Variants in CLMP observed in about 807,000 individuals in gnomAD.
CLMP encodes the protein CXADR-like membrane protein.
In CLMP, 27 loss-of-function variants were observed where a neutral mutation model predicts 45.2. The ratio of observed to expected loss-of-function variants is 0.60; its 90% CI spans 0.44 to 0.82. The LOEUF (loss-of-function observed/expected upper bound fraction) is 0.82, where lower values mean the gene tolerates loss of function less well. CLMP is among the 40% of genes least tolerant of loss of function. The pLI, the probability that CLMP is intolerant of heterozygous loss-of-function variation, is 0.00. For synonymous variants in CLMP, 167 were observed against 171.4 expected (o/e 0.97, Z 0.20); for missense variants, 403 against 448.4 (o/e 0.90, Z 0.91).
chr11:123,194,330 A>G (rs1861949030), intron 1 of CLMP, among the ~76,000 whole-genome samples: 1 of 151,810 alleles, frequency 6.6e-6, no homozygotes, highest in South Asian at 2.1e-4. Flanking sequence ...CTTCTGTTTT[A>G]CATTCCTGTT....
Position 123,072,151 on chromosome 11 carries a change from A to G in CLMP, c.*1323T>C, listed in dbSNP as rs534480400. 8 of 152,300 alleles carry G rather than the reference A, an allele frequency of 5.3e-5. No homozygotes were observed. The highest frequency in any genetic ancestry group is 3.4e-3 in the Middle Eastern group (1 of 294). The allele number at this position is 152,300 out of a possible 1,614,324, so 9.4% of individuals were successfully genotyped here. ...TTTTAGGAGGGAACGGTTATGGCATATACTTGCAGTGCCATTAGAAGCATT... is the reference window on the plus strand; with the variant it reads ...TTTTAGGAGGGAACGGTTATGGCATGTACTTGCAGTGCCATTAGAAGCATT... On this transcript the variant is annotated 3_prime_UTR_variant, in exon 7 of 7. Coordinates refer to ENST00000448775, the MANE Select transcript of CLMP (RefSeq NM_024769.5).
chr11:123,149,846 C>T (rs929645479), intron 1 of CLMP, among the ~76,000 whole-genome samples: 17 of 150,884 alleles, frequency 1.1e-4, no homozygotes, highest in African/African-American at 4.1e-4. Flanking sequence ...GAGACTCACT[C>T]TGTCATCCAG....
At chr11:123,137,915 C>T (rs1452888517) in intron 1 of CLMP, among the ~76,000 whole-genome samples, 1 of 152,156 alleles carries the variant, frequency 6.6e-6, no homozygotes, top group Non-Finnish European at 1.5e-5. Context: ...AAGTCAGATC[C>T]TCTAACTAGA....
At chr11:123,171,861 T>A (rs1186337222) in intron 1 of CLMP, among the ~76,000 whole-genome samples, 2 of 152,200 alleles carry the variant, frequency 1.3e-5, no homozygotes, top group African/African-American at 4.8e-5. Context: ...ACATACTTGT[T>A]ATACAAAACT....
At chr11:123,190,132 G>A (rs986406116) in intron 1 of CLMP, among the ~76,000 whole-genome samples, 1 of 152,142 alleles carries the variant, frequency 6.6e-6, no homozygotes, top group African/African-American at 2.4e-5. Flanking sequence ...TTAAGATGAG[G>A]TCCTTTTGGT....
chr11:123,116,925 C>T (rs563267751), intron 1 of CLMP, among the ~76,000 whole-genome samples: 1 of 152,120 alleles, frequency 6.6e-6, no homozygotes, highest in South Asian at 2.1e-4. Context: ...GTGGCATGAA[C>T]AACGTTATAG....
chr11:123,186,647 C>T (rs528397836), intron 1 of CLMP, among the ~76,000 whole-genome samples: 7 of 152,176 alleles, frequency 4.6e-5, no homozygotes, highest in Admixed American at 3.9e-4. Context: ...CTCAAGCTCC[C>T]GAGTAGCTGG....
chr11:123,181,675 G>T (rs1230659359), intron 1 of CLMP, among the ~76,000 whole-genome samples: 1 of 152,096 alleles, frequency 6.6e-6, no homozygotes, highest in Non-Finnish European at 1.5e-5. Flanking sequence ...TGAAATCTGT[G>T]TTTTCCTCTA....
intron 1 of CLMP, among the ~76,000 whole-genome samples, chr11:123,170,584 C>T (rs1300213444): frequency 6.6e-6 from 1 of 151,924 alleles, no homozygotes; most frequent in East Asian, 1.9e-4. Context: ...GTACTATACG[C>T]GCAGGCCACC....
At chr11:123,176,016 GA>G (rs141146610) in intron 1 of CLMP, among the ~76,000 whole-genome samples, 2,305 of 152,274 alleles carry the variant, frequency 0.015, 48 homozygotes, top group East Asian at 0.098. Flanking sequence ...AGGGGAGTAA[GA>G]AAAAATATAG....
At chr11:123,184,486 C>T (rs763627347) in intron 1 of CLMP, among the ~76,000 whole-genome samples, 4 of 152,162 alleles carry the variant, frequency 2.6e-5, no homozygotes, top group Non-Finnish European at 5.9e-5. Context: ...GATACCCAGG[C>T]AAGGTTAGTG....
chr11:123,128,131 T>C (rs1400823106), intron 1 of CLMP, among the ~76,000 whole-genome samples: 2 of 151,018 alleles, frequency 1.3e-5, no homozygotes, highest in Non-Finnish European at 2.9e-5. Context: ...TTAATCATAG[T>C]AATTCCCCAT....
intron 2 of CLMP, 122 bp from the exon 3 acceptor site, chr11:123,084,835 G>T: frequency 1.3e-6 from 1 of 741,510 alleles, no homozygotes; most frequent in Non-Finnish European, 2.2e-6. Context: ...GGGGCTGAGA[G>T]TCCAAGAGAC....
At chr11:123,150,614 G>A (rs1861324056) in intron 1 of CLMP, among the ~76,000 whole-genome samples, 1 of 151,084 alleles carries the variant, frequency 6.6e-6, no homozygotes, top group African/African-American at 2.4e-5. Context: ...ATGAAGGAAG[G>A]AAGGAAGGAA....
rs1865843174 is a variant in CLMP, at chr11:123,084,636, A to G, written c.264T>C (p.Asn88=). Residue 88 remains asparagine, a synonymous_variant, in exon 3 of 7, where the codon AAT becomes AAC. Coordinates refer to ENST00000448775, the MANE Select transcript of CLMP (RefSeq NM_024769.5). ...EQKGRVAFAS[N]FLAGDASLQI... The stretch of plus-strand genomic sequence containing the variant: ...GCAAGGAGGCATCTCCTGCCAGGAA[A>G]TTGGAAGCAAAGGCCACTCGGCCCT... 6.2e-7 allele frequency: 1 copy of G among 1,614,232 alleles called. No homozygotes were observed. The highest frequency in any genetic ancestry group is 8.5e-7 in the Non-Finnish European group (1 of 1,180,030).
intron 1 of CLMP, among the ~76,000 whole-genome samples, chr11:123,106,167 CTGT>C (rs1012433772): frequency 2.6e-5 from 4 of 151,382 alleles, no homozygotes; most frequent in African/African-American, 9.7e-5. Context: ...AGCTCATCAG[CTGT>C]TGTTAGTGTA....
At chr11:123,150,504 G>GAAA (rs1555084572) in intron 1 of CLMP, among the ~76,000 whole-genome samples, 1 of 116,552 alleles carries the variant, frequency 8.6e-6, no homozygotes, top group Non-Finnish European at 1.8e-5. Context: ...AGGAAGGAAG[G>GAAA]AAGGAAGGAA....
chr11:123,122,768 T>C (rs1323771006), intron 1 of CLMP, among the ~76,000 whole-genome samples: 1 of 152,154 alleles, frequency 6.6e-6, no homozygotes, highest in East Asian at 1.9e-4. Flanking sequence ...GGATTTTGTT[T>C]TCATGTCTTG....
chr11:123,125,525 T>TCCCTC (rs1860878666), intron 1 of CLMP, among the ~76,000 whole-genome samples: 2 of 89,424 alleles, frequency 2.2e-5, no homozygotes, highest in African/African-American at 8.9e-5. Context: ...TCCCTTCCCT[T>TCCCTC]CCCTTCCCTC....
Sources: allele counts gnomAD v4.1 joint callset (sites outside exome capture counted in the v4.1 genomes callset), GRCh38; gene constraint gnomAD v4.1.1; transcripts MANE v1.5; gene names NCBI Gene and HGNC (gene_info 2026-07-23, HGNC 2026-07-21).